Variants in MSRA observed in about 807,000 individuals in gnomAD.
MSRA encodes mitochondrial peptide methionine sulfoxide reductase.
A neutral mutation model predicts 31.3 loss-of-function variants in MSRA; 54 were observed. The ratio of observed to expected loss-of-function variants is 1.73; its 90% confidence interval spans 1.39 to 2.17. The LOEUF is 2.17. Among genes scored for constraint, MSRA ranks in the 30% most tolerant of loss-of-function variants. MSRA has a pLI of 0.00. For synonymous variants in MSRA, 169 were observed against 116.5 expected (o/e 1.45, Z -2.90); for missense variants, 507 against 300.9 (o/e 1.69, Z -5.07).
intron 1 of MSRA, among the ~76,000 whole-genome samples, chr8:10,131,167 A>G (rs1801869613): frequency 6.6e-6 from 1 of 152,182 alleles, no homozygotes; most frequent in Non-Finnish European, 1.5e-5. Flanking sequence ...TACAAAGGGG[A>G]ATCCTCTGTG....
At chr8:10,131,502 A>G (rs1464842198) in intron 1 of MSRA, among the ~76,000 whole-genome samples, 1 of 152,210 alleles carries the variant, frequency 6.6e-6, no homozygotes, top group East Asian at 1.9e-4. Flanking sequence ...TGAAGTGAGA[A>G]TAGCTAAGGT....
intron 5 of MSRA, among the ~76,000 whole-genome samples, chr8:10,340,431 G>T (rs1275164319): frequency 6.6e-6 from 1 of 152,228 alleles, no homozygotes; most frequent in Non-Finnish European, 1.5e-5. Context: ...GGAGTGCAGT[G>T]GCGTGATCTT....
chr8:10,087,004 A>G (rs1439972003), intron 1 of MSRA, among the ~76,000 whole-genome samples: 1 of 152,164 alleles, frequency 6.6e-6, no homozygotes, highest in East Asian at 1.9e-4. Context: ...AGCTTTGTGT[A>G]AAGGAAGTTT....
chr8:10,227,952 T>G lies in MSRA; in HGVS notation c.212-17152T>G, dbSNP rs149637665. Among the ~76,000 whole-genome samples, 634 of 152,328 alleles carry G rather than the reference T, an allele frequency of 4.2e-3. 5 individuals are homozygous for G. The highest frequency in any genetic ancestry group is 0.015 in the African/African-American group (608 of 41,572). ...AAGATAAATTGAAATGTTTACATTT[T>G]TTGCCACGTATTCATCTTCCTTGTT... On this transcript the variant is annotated intron_variant, in intron 2 of 5. Coordinates refer to ENST00000317173, the MANE Select transcript of MSRA (RefSeq NM_012331.5).
intron 1 of MSRA, among the ~76,000 whole-genome samples, chr8:10,116,395 C>G (rs1800679631): frequency 6.6e-6 from 1 of 152,192 alleles, no homozygotes; most frequent in South Asian, 2.1e-4. Context: ...TCACATAGTT[C>G]ATTCTTTTCA....
At chr8:10,292,267 T>A (rs1311502539) in intron 3 of MSRA, among the ~76,000 whole-genome samples, 3 of 152,094 alleles carry the variant, frequency 2.0e-5, no homozygotes, top group African/African-American at 7.2e-5. Context: ...GGATGAAGGA[T>A]AAGTGAGTGG....
At chr8:10,242,896 G>A (rs1797410270) in intron 2 of MSRA, among the ~76,000 whole-genome samples, 1 of 152,134 alleles carries the variant, frequency 6.6e-6, no homozygotes, top group Non-Finnish European at 1.5e-5. Context: ...TCCAGTCCCT[G>A]AGACGCTGTT....
chr8:10,260,492 A>G (rs1221602762), intron 3 of MSRA, among the ~76,000 whole-genome samples: 1 of 152,200 alleles, frequency 6.6e-6, no homozygotes, highest in Non-Finnish European at 1.5e-5. Context: ...CGCAGAGTTG[A>G]CAGGCACAGA....
chr8:10,237,110 G>T (rs1046557418), intron 2 of MSRA, among the ~76,000 whole-genome samples: 12 of 152,226 alleles, frequency 7.9e-5, no homozygotes, highest in African/African-American at 2.7e-4. Context: ...TTCTGAACTA[G>T]TTAATGCAGG....
intron 4 of MSRA, among the ~76,000 whole-genome samples, chr8:10,316,015 A>G (rs1425196817): frequency 1.3e-5 from 2 of 152,234 alleles, no homozygotes; most frequent in Admixed American, 6.5e-5. Context: ...CTTACTGAAA[A>G]TCAGGATCTT....
chr8:10,203,298 G>A, intron 1 of MSRA, among the ~76,000 whole-genome samples: 1 of 152,178 alleles, frequency 6.6e-6, no homozygotes. Flanking sequence ...GAGTGGAATA[G>A]AGGAGTTCCC....
At chr8:10,256,440 TG>T (rs1798184501) in intron 3 of MSRA, among the ~76,000 whole-genome samples, 1 of 152,184 alleles carries the variant, frequency 6.6e-6, no homozygotes, top group Non-Finnish European at 1.5e-5. Context: ...CATAGGAAAC[TG>T]GTTTTAAACG....
intron 1 of MSRA, among the ~76,000 whole-genome samples, chr8:10,109,934 A>G (rs1004602605): frequency 6.6e-6 from 1 of 152,142 alleles, no homozygotes; most frequent in Non-Finnish European, 1.5e-5. Flanking sequence ...CAGTTGCCAC[A>G]GTTTTTGGTT....
At chr8:10,367,879 G>C (rs370014236) in intron 5 of MSRA, among the ~76,000 whole-genome samples, 5 of 152,212 alleles carry the variant, frequency 3.3e-5, no homozygotes, top group Non-Finnish European at 7.3e-5. Context: ...CCAAGTGAGG[G>C]GGGAAAGCTG....
At chr8:10,183,667 T>G (rs1269685820) in intron 1 of MSRA, among the ~76,000 whole-genome samples, 3 of 152,118 alleles carry the variant, frequency 2.0e-5, no homozygotes, top group Non-Finnish European at 4.4e-5. Context: ...CTTTTTTCAA[T>G]CTTTTTTCCC....
intron 1 of MSRA, among the ~76,000 whole-genome samples, chr8:10,131,542 C>T (rs554962333): frequency 1.7e-4 from 26 of 152,234 alleles, no homozygotes; most frequent in Admixed American, 4.6e-4. Flanking sequence ...CACTCCTGAC[C>T]GTTGAGAGAA....
chr8:10,310,786 C>T (rs907378976), intron 4 of MSRA, among the ~76,000 whole-genome samples: 1 of 152,238 alleles, frequency 6.6e-6, no homozygotes, highest in Non-Finnish European at 1.5e-5. Flanking sequence ...TTGGGTAGCA[C>T]ATGGCCCCAC....
chr8:10,401,194 A>G (rs143029246), intron 5 of MSRA, among the ~76,000 whole-genome samples: 3 of 152,206 alleles, frequency 2.0e-5, no homozygotes, highest in African/African-American at 7.2e-5. Flanking sequence ...TTTAAAACCC[A>G]TACAACTCAA....
intron 1 of MSRA, among the ~76,000 whole-genome samples, chr8:10,131,903 C>A (rs1233856971): frequency 6.6e-6 from 1 of 152,152 alleles, no homozygotes; most frequent in Non-Finnish European, 1.5e-5. Context: ...ATTTAATTTT[C>A]TTTTAATGGA....
Sources: gnomAD v4.1 joint callset for allele counts (sites outside exome capture counted in the v4.1 genomes callset) on GRCh38, gnomAD v4.1.1 for gene constraint, MANE v1.5 for transcripts, NCBI Gene and HGNC (gene_info 2026-07-23, HGNC 2026-07-21) for gene names.